Variants in FBN2 observed in about 807,000 individuals in gnomAD.
FBN2 encodes the protein fibrillin 2.
Under a neutral mutation model 355.6 loss-of-function variants are expected in FBN2, and 105 were observed. The ratio of observed to expected loss-of-function variants is 0.30; its 90% confidence interval spans 0.25 to 0.35. The LOEUF (loss-of-function observed/expected upper bound fraction) is 0.35. Ranked by LOEUF, FBN2 falls within the 10% of genes least tolerant of loss-of-function variation. The probability of loss-of-function intolerance (pLI) is 1.00; values close to 1 mark genes in which losing one functional copy is unlikely to be tolerated. For missense variants in FBN2, 3,280 were observed against 3,758.7 expected (o/e 0.87, Z 3.33); for synonymous variants, 1,350 against 1,301.2 (o/e 1.04, Z -0.81).
chr5:128,405,295 G>C (rs1166639016), intron 8 of FBN2, among the ~76,000 whole-genome samples: 2 of 152,144 alleles, frequency 1.3e-5, no homozygotes, highest in Non-Finnish European at 2.9e-5. Flanking sequence ...CGGGCAGAGG[G>C]GGTACTGCTG....
intron 5 of FBN2, among the ~76,000 whole-genome samples, chr5:128,488,820 G>T (rs990906946): frequency 6.6e-6 from 1 of 151,836 alleles, no homozygotes; most frequent in South Asian, 2.1e-4. Context: ...TCCCTACAAA[G>T]GACATGAACT....
In FBN2 at chr5:128,311,373, G is replaced by A; in HGVS notation, c.5001C>T (p.Ile1667=). Residue 1667 remains isoleucine (I), a synonymous_variant, in exon 39 of 65, where the codon ATC becomes ATT. Coordinates refer to ENST00000262464, the MANE Select transcript of FBN2 (RefSeq NM_001999.4). ...CACACTGGAAGCTCCCAAAAGTGTT[G>A]ATGCAGTTTCCACCCTGGCAGAGAC... is the stretch of plus-strand genomic sequence containing the variant. ...LPGLCQGGNC[I]NTFGSFQCEC... is the part of the protein sequence containing the mutation. 6.2e-7 allele frequency: 1 copy of A among 1,613,972 alleles called. No individual in the cohort carries two copies. Among genetic ancestry groups the A allele is most frequent in the Non-Finnish European group, 8.5e-7 (1 of 1,179,862 alleles).
At chr5:128,265,271 T>C (rs1765089092) in intron 62 of FBN2, among the ~76,000 whole-genome samples, 1 of 152,160 alleles carries the variant, frequency 6.6e-6, no homozygotes, top group African/African-American at 2.4e-5. Context: ...TTTAATAAAA[T>C]GATCCTGCCA....
intron 15 of FBN2, among the ~76,000 whole-genome samples, chr5:128,369,651 T>A (rs1348823187): frequency 6.6e-6 from 1 of 152,222 alleles, no homozygotes; most frequent in Non-Finnish European, 1.5e-5. Context: ...AAAGAATACT[T>A]GGAGCTCTAA....
chr5:128,492,758 G>A (rs1755543806), intron 5 of FBN2, among the ~76,000 whole-genome samples: 1 of 131,896 alleles, frequency 7.6e-6, no homozygotes, highest in Non-Finnish European at 1.5e-5. Context: ...AGTCAAGATC[G>A]TGCCACTGCA....
At chr5:128,494,189 T>G (rs1755589198) in intron 5 of FBN2, among the ~76,000 whole-genome samples, 1 of 152,130 alleles carries the variant, frequency 6.6e-6, no homozygotes, top group South Asian at 2.1e-4. Flanking sequence ...CCGCCTTCAG[T>G]CCAGAGGAGT....
At chr5:128,487,954 AC>A (rs1324444268) in intron 5 of FBN2, among the ~76,000 whole-genome samples, 2 of 152,178 alleles carry the variant, frequency 1.3e-5, no homozygotes, top group Admixed American at 1.3e-4. Flanking sequence ...ACTCAGATAC[AC>A]AGTTCATGTA....
At chr5:128,465,638 C>T (rs899866179) in intron 5 of FBN2, among the ~76,000 whole-genome samples, 6 of 152,158 alleles carry the variant, frequency 3.9e-5, no homozygotes, top group Non-Finnish European at 8.8e-5. Context: ...TAATAAGGCA[C>T]ATAGTCATGA....
chr5:128,324,587 T>C (rs144836265), intron 34 of FBN2, among the ~76,000 whole-genome samples: 314 of 152,126 alleles, frequency 2.1e-3, no homozygotes, highest in African/African-American at 6.9e-3. Flanking sequence ...TCCATATAGT[T>C]GTGCAGTTTT....
Position 128,305,246 on chromosome 5 carries a change from C to A in FBN2, c.5675-164G>T, listed in dbSNP as rs538475705. On this transcript the variant is annotated intron_variant, in intron 44 of 64. Coordinates refer to ENST00000262464, the MANE Select transcript of FBN2 (RefSeq NM_001999.4). The stretch of plus-strand genomic sequence containing the variant: ...ATGAGCAGGACTTCAAAGTATCCAA[C>A]CCTCTTTTTTTAATCATGCAAATTT... Among the ~76,000 whole-genome samples the A allele has an allele frequency of 2.8e-4, 42 of 152,094 alleles. 1 individual carries two copies. Among genetic ancestry groups the A allele is most frequent in the Non-Finnish European group, 5.3e-4 (36 of 67,996 alleles).
intron 5 of FBN2, among the ~76,000 whole-genome samples, chr5:128,516,388 T>C (rs1756280896): frequency 6.6e-6 from 1 of 151,820 alleles, no homozygotes; most frequent in African/African-American, 2.4e-5. Context: ...TTTTTTTTTT[T>C]GATGCTAAGT....
intron 48 of FBN2, among the ~76,000 whole-genome samples, chr5:128,300,093 A>T (rs1355861426): frequency 6.6e-6 from 1 of 152,216 alleles, no homozygotes; most frequent in East Asian, 1.9e-4. Context: ...ATCTTTAGGT[A>T]GAATCTTGCC....
intron 19 of FBN2, among the ~76,000 whole-genome samples, chr5:128,360,014 A>C (rs531014361): frequency 6.6e-6 from 1 of 152,274 alleles, no homozygotes. Flanking sequence ...AACCAGTTCT[A>C]AAAATCATCA....
At position 128,332,965 on chromosome 5, in the gene FBN2, C is replaced by T. The variant is rs980511118; in HGVS notation, c.4169G>A (p.Ser1390Asn). The T allele has an allele frequency of 6.2e-7, 1 of 1,613,808 alleles. No individual in the cohort carries two copies. Residue 1390 changes from serine to asparagine, a missense_variant, in exon 32 of 65, where the codon AGC becomes AAC. By Grantham distance (46) the Ser-to-Asn change is conservative (BLOSUM62 1). Coordinates refer to ENST00000262464, the MANE Select transcript of FBN2 (RefSeq NM_001999.4). The stretch of plus-strand genomic sequence containing the variant: ...GCCTTCTCTGCAGCTACACTTGAAG[C>T]TTCCTGGGATATTCAGACATGAGGC... ...MHASCLNIPGSFKCSCREGWI... is the reference protein window; with the variant it reads ...MHASCLNIPGNFKCSCREGWI...
chr5:128,328,374 A>G, intron 34 of FBN2: 1 of 576,984 alleles, frequency 1.7e-6, no homozygotes, highest in African/African-American at 1.9e-5. Flanking sequence ...AATGGAGCAT[A>G]CTTTAAAAGC....
chr5:128,508,975 T>A (rs1299416995), intron 5 of FBN2, among the ~76,000 whole-genome samples: 1 of 152,224 alleles, frequency 6.6e-6, no homozygotes, highest in East Asian at 1.9e-4. Context: ...ATTTTTATCT[T>A]CTTTTCCTCT....
rs187576933 is a variant in FBN2, at chr5:128,409,708, C to G, written c.953-909G>C. Among the ~76,000 whole-genome samples the G allele has an allele frequency of 7.9e-5, 12 of 151,984 alleles. No individual in the cohort carries two copies. In the East Asian group the frequency reaches 2.3e-3, roughly 29 times the overall value. On this transcript the variant is annotated intron_variant, in intron 7 of 64. Transcript: ENST00000262464. ...TTTTAATGAACAGAGGTAGCAAAAGCCAGTAACTAGAAGAAACAACAATAA... is the reference window on the plus strand; with the variant it reads ...TTTTAATGAACAGAGGTAGCAAAAGGCAGTAACTAGAAGAAACAACAATAA...
chr5:128,518,094 T>C (rs1157322639), intron 5 of FBN2, among the ~76,000 whole-genome samples: 1 of 152,188 alleles, frequency 6.6e-6, no homozygotes, highest in Non-Finnish European at 1.5e-5. Context: ...TGCTCCTTTG[T>C]ACTTGTGACC....
intron 5 of FBN2, among the ~76,000 whole-genome samples, chr5:128,472,502 T>C (rs1285638125): frequency 2.0e-5 from 3 of 152,066 alleles, no homozygotes; most frequent in African/African-American, 4.8e-5. Context: ...TTAAAAATGA[T>C]TACGACAGGC....
Sources: allele counts gnomAD v4.1 joint callset (sites outside exome capture counted in the v4.1 genomes callset), GRCh38; gene constraint gnomAD v4.1.1; transcripts MANE v1.5; gene names NCBI Gene and HGNC (gene_info 2026-07-23, HGNC 2026-07-21).